Variants in TMEM67 observed in about 807,000 individuals in gnomAD.
TMEM67 encodes meckelin.
In TMEM67, 124 loss-of-function variants were observed where a neutral mutation model predicts 136.6. The ratio of observed to expected loss-of-function variants is 0.91; its 90% CI spans 0.78 to 1.05. TMEM67 has a LOEUF of 1.05. TMEM67 is among the 50% of genes least tolerant of loss of function. The pLI is 0.00. For missense variants in TMEM67, 1,107 were observed against 1,178.4 expected, an observed-to-expected ratio of 0.94 and a Z score of 0.89; for synonymous variants, 364 against 390.5, an observed-to-expected ratio of 0.93 and a Z score of 0.80.
rs369219859 is a variant in TMEM67 at position 93,786,322 on chromosome 8, G to A, written c.1388G>A (p.Arg463Gln). The change falls in exon 13 of 28, where the codon CGA becomes CAA. Residue 463 changes from arginine to glutamine, a missense_variant. Arg to Gln is a conservative substitution (Grantham distance 43, BLOSUM62 1). Coordinates refer to ENST00000453321, the MANE Select transcript of TMEM67 (RefSeq NM_153704.6). ...NDLGTQPRVI[R>Q]VATQISLSVH... ...TTAGGAACTCAGCCAAGAGTAATTCGAGTTGCTACTCAAATATCACTGAGG... is the reference window on the plus strand; with the variant it reads ...TTAGGAACTCAGCCAAGAGTAATTCAAGTTGCTACTCAAATATCACTGAGG... 5.6e-6 allele frequency: 9 copies of A among 1,613,798 alleles called. No homozygotes were observed. The Admixed American group carries it at 6.7e-5, about 12-fold the overall frequency.
chr8:93,799,566 A>G (rs1814772673), intron 20 of TMEM67, 52 bp from the exon 21 acceptor site: 2 of 1,589,058 alleles, frequency 1.3e-6, no homozygotes, highest in East Asian at 2.2e-5. Context: ...AGTCTAGAGT[A>G]GTTTTCTTTA....
chr8:93,756,125 G>T, intron 2 of TMEM67: 1 of 349,052 alleles, frequency 2.9e-6, no homozygotes, highest in Non-Finnish European at 5.2e-6. Context: ...GTTTTTACTC[G>T]TAGAATAACT....
chr8:93,783,205 C>CA (rs765041943), intron 11 of TMEM67, among the ~76,000 whole-genome samples: 49 of 152,232 alleles, frequency 3.2e-4, no homozygotes, highest in Non-Finnish European at 5.7e-4. Flanking sequence ...ACGCTTGTCT[C>CA]AAACTCCTGA....
At chr8:93,829,382 CTGTGTGTGTGTGTGTG>C in the TMEM67 span, among the ~76,000 whole-genome samples, 1 of 137,504 alleles carries the variant, frequency 7.3e-6, no homozygotes, top group Non-Finnish European at 1.6e-5. Context: ...CTCTCTCTCT[CTGTGTGTGTGTGTGTG>C]TGTGTGTGTG....
Position 93,803,737 on chromosome 8 carries a change from C to T in TMEM67, c.2322+53C>T, listed in dbSNP as rs555718320. ...ACTGTTACTTTCCCTTTTTAAAGGT[C>T]ATGAGTTTGTTAAGAGAGACTTTAA... On this transcript the variant is annotated intron_variant, in intron 22 of 27. Coordinates refer to ENST00000453321, the MANE Select transcript of TMEM67 (RefSeq NM_153704.6). The T allele has an allele frequency of 2.6e-5, 29 of 1,101,698 alleles. No homozygotes were observed. The African/African-American group carries it at 4.3e-4, about 16-fold the overall frequency. 68.2% of individuals were successfully genotyped at this position (1,101,698 alleles called of 1,614,324 possible). A position where few individuals can be genotyped will look rare whatever the true frequency, so the allele number is the denominator to read the frequency against.
rs775696016 is a variant in TMEM67, at chr8:93,797,194, T to G, written c.1921T>G (p.Trp641Gly). ...TACAATAGATGTATTCTTTATTGAT[T>G]GGGAGCGACCTAAAGGAAAGGTTCT... is the stretch of plus-strand genomic sequence containing the variant. ...QITIDVFFIDWERPKGKVLKA... is the reference protein window; with the variant it reads ...QITIDVFFIDGERPKGKVLKA... Residue 641 changes from tryptophan (W) to glycine (G), a missense_variant, in exon 19 of 28, where the codon TGG becomes GGG. This residue lies in a region of TMEM67 where 925 missense variants were observed against 1,002.4 expected (regional missense o/e 0.92). Coordinates refer to ENST00000453321, the MANE Select transcript of TMEM67 (RefSeq NM_153704.6). The G allele has an allele frequency of 2.4e-5, 39 of 1,613,382 alleles. No individual in the cohort carries two copies. The highest frequency in any genetic ancestry group is 3.2e-5 in the Non-Finnish European group (38 of 1,179,464).
chr8:93,816,440 AT>A lies in TMEM67; in HGVS notation c.2981del (p.Leu994Ter). On this transcript the variant is annotated frameshift_variant, in exon 28 of 28. Coordinates refer to ENST00000453321, the MANE Select transcript of TMEM67 (RefSeq NM_153704.6). LOFTEE classifies it high-confidence loss of function. ...LASKTLVDQR[F>X]LI Reference sequence around the variant, plus strand: ...CATCCAAAACATTGGTGGATCAAAGATTTTTGATTTAACTTCCTGAATAAAT... The same window carrying A: ...CATCCAAAACATTGGTGGATCAAAGATTTTGATTTAACTTCCTGAATAAAT... The A allele has an allele frequency of 6.3e-7, 1 of 1,586,124 alleles. No individual in the cohort carries two copies. The highest frequency in any genetic ancestry group is 8.6e-7 in the Non-Finnish European group (1 of 1,156,240).
At chr8:93,770,366 G>T (rs1030343398) in intron 6 of TMEM67, among the ~76,000 whole-genome samples, 5 of 152,046 alleles carry the variant, frequency 3.3e-5, no homozygotes, top group Non-Finnish European at 7.4e-5. Context: ...CACACCCAAG[G>T]AATTTAAAAT....
At chr8:93,786,132 A>T in intron 12 of TMEM67, 91 bp from the exon 13 acceptor site, 2 of 1,271,972 alleles carry the variant, frequency 1.6e-6, no homozygotes, top group Non-Finnish European at 1.1e-6. Flanking sequence ...GGTGTTTCTT[A>T]TACTAGTAGC....
chr8:93,829,117 G>T, the TMEM67 span, among the ~76,000 whole-genome samples: 1 of 152,046 alleles, frequency 6.6e-6, no homozygotes, highest in Admixed American at 6.6e-5. Context: ...CTGAGTTGTT[G>T]GTCAGGATGC....
At chr8:93,820,085 CTGT>C (rs1417512591), downstream of TMEM67, among the ~76,000 whole-genome samples, 1 of 152,142 alleles carries the variant, frequency 6.6e-6, no homozygotes, top group East Asian at 1.9e-4. Context: ...CGATCCCAAA[CTGT>C]TGACCCCACC....
intron 21 of TMEM67, among the ~76,000 whole-genome samples, chr8:93,802,751 A>C (rs1342282137): frequency 6.6e-6 from 1 of 152,208 alleles, no homozygotes; most frequent in Admixed American, 6.5e-5. Context: ...TCCTTTAAAG[A>C]GGTTTAAAAT....
chr8:93,755,097 G>T lies in TMEM67; in HGVS notation c.183G>T (p.Ser61=). 1 of 1,614,132 alleles carries T rather than the reference G, an allele frequency of 6.2e-7. No individual in the cohort carries two copies. Residue 61 remains serine, a synonymous_variant, in exon 1 of 28, where the codon TCG becomes TCT. Transcript: ENST00000453321. The part of the protein sequence containing the change: ...NNQYFDISAL[S]CVPCGANQRQ... ...AGTACTTTGATATCTCCGCCCTCTCGTGTGTTCCTTGTGGAGCTAACCAGA... is the reference window on the plus strand; with the variant it reads ...AGTACTTTGATATCTCCGCCCTCTCTTGTGTTCCTTGTGGAGCTAACCAGA...
chr8:93,819,381 C>T, downstream of TMEM67: 1 of 344,406 alleles, frequency 2.9e-6, no homozygotes, highest in South Asian at 2.4e-5. Flanking sequence ...CTGTGGGAGA[C>T]ACAGTTTGTG....
In TMEM67 at chr8:93,754,940, T is replaced by A; in HGVS notation, c.26T>A (p.Val9Glu). 1 of 1,613,792 alleles carries A rather than the reference T, an allele frequency of 6.2e-7. No homozygotes were observed. The highest frequency in any genetic ancestry group is 8.5e-7 in the Non-Finnish European group (1 of 1,180,018). The part of the protein sequence containing the change: MATRGGAG[V>E]AMAVWSLLSA... Reference sequence around the variant, plus strand: ...ATGGCGACGCGCGGTGGGGCTGGGGTGGCAATGGCGGTTTGGTCCCTCTTA... The same window carrying A: ...ATGGCGACGCGCGGTGGGGCTGGGGAGGCAATGGCGGTTTGGTCCCTCTTA... The change falls in exon 1 of 28, where the codon GTG (valine) becomes GAG (glutamate). Residue 9 changes from valine to glutamate, a missense_variant. Around this residue, in one of 3 missense-constraint regions of TMEM67, gnomAD observed 178 missense variants for 159.2 expected, o/e 1.12. Coordinates refer to ENST00000453321, the MANE Select transcript of TMEM67 (RefSeq NM_153704.6).
Position 93,792,686 on chromosome 8 carries a change from TTATAA to T in TMEM67, c.1576-507_1576-503del, listed in dbSNP as rs990507747. ...ACTCATATTTATTTTATTCTAGTAATTATAATATATTATTATTTGTTTTCTTGTTC... is the reference window on the plus strand; with the variant it reads ...ACTCATATTTATTTTATTCTAGTAATTATATTATTATTTGTTTTCTTGTTC... On this transcript the variant is annotated intron_variant, in intron 15 of 27. Transcript: ENST00000453321. 2.7e-3 allele frequency among the ~76,000 whole-genome samples: 412 copies of T among 151,964 alleles called. 1 individual carries two copies. Among genetic ancestry groups the T allele is most frequent in the African/African-American group, 9.5e-3 (394 of 41,514 alleles).
chr8:93,802,208 G>C (rs1486099290), intron 21 of TMEM67, among the ~76,000 whole-genome samples: 1 of 152,176 alleles, frequency 6.6e-6, no homozygotes, highest in Non-Finnish European at 1.5e-5. Flanking sequence ...AGCCACAAGG[G>C]ACTTCCATCT....
intron 7 of TMEM67, among the ~76,000 whole-genome samples, chr8:93,773,117 G>T (rs1241502328): frequency 1.3e-5 from 2 of 152,130 alleles, no homozygotes; most frequent in Admixed American, 6.6e-5. Context: ...CTCTGAGAGG[G>T]TTATAGTTGA....
intron 14 of TMEM67, 78 bp downstream of exon 14, chr8:93,788,027 G>A: frequency 9.1e-7 from 1 of 1,104,130 alleles, no homozygotes. Flanking sequence ...TTGGTCAAAA[G>A]ACAGTCTTTT....
Sources: allele counts gnomAD v4.1 joint callset (sites outside exome capture counted in the v4.1 genomes callset), GRCh38; gene constraint gnomAD v4.1.1; regional missense constraint gnomAD v4.1.1; transcripts MANE v1.5; gene names NCBI Gene and HGNC (gene_info 2026-07-23, HGNC 2026-07-21).